AFF3: variants seen among roughly 807,000 people sequenced by gnomAD.
AFF3 encodes ALF transcription elongation factor 3, also known as AF4/FMR2 family member 3.
Under a neutral mutation model 129.7 loss-of-function variants are expected in AFF3, and 32 were observed. The observed-to-expected ratio is 0.25, with a 90% CI of 0.19 to 0.33. AFF3 has a LOEUF of 0.33. Among genes scored for constraint, AFF3 ranks in the 10% least tolerant of loss-of-function variants. The pLI, the probability that AFF3 is intolerant of heterozygous loss-of-function variation, is 1.00. For missense variants in AFF3, 1,373 were observed against 1,592.0 expected, an observed-to-expected ratio of 0.86 and a Z score of 2.34; for synonymous variants, 644 against 635.4, an observed-to-expected ratio of 1.01 and a Z score of -0.20.
At chr2:100,129,382 CTG>C (rs10585567) in intron 1 of AFF3, 76 bp from the exon 2 acceptor site, 53,153 of 145,180 alleles carry the variant, frequency 0.37, 9,522 homozygotes, top group Admixed American at 0.41. Flanking sequence ...TCCTATAACT[CTG>C]TGTGTGTGTG....
At chr2:100,053,243 G>C (rs1422827513) in intron 4 of AFF3, among the ~76,000 whole-genome samples, 1 of 152,248 alleles carries the variant, frequency 6.6e-6, no homozygotes, top group African/African-American at 2.4e-5. Context: ...TTGGGTGTCA[G>C]CGTGTTAGCC....
intron 1 of AFF3, among the ~76,000 whole-genome samples, chr2:100,136,344 G>T (rs906181480): frequency 6.6e-6 from 1 of 152,148 alleles, no homozygotes. Flanking sequence ...GCACCCAAAA[G>T]GGAGGCCGAG....
intron 4 of AFF3, among the ~76,000 whole-genome samples, chr2:100,071,896 A>G (rs896766056): frequency 1.1e-4 from 16 of 152,228 alleles, no homozygotes; most frequent in Non-Finnish European, 1.6e-4. Flanking sequence ...GGTTATCTAC[A>G]GGTAGTACAG....
intron 8 of AFF3, among the ~76,000 whole-genome samples, chr2:99,801,758 C>T (rs1211694195): frequency 6.6e-6 from 1 of 152,140 alleles, no homozygotes; most frequent in Non-Finnish European, 1.5e-5. Context: ...TATCTTTGTC[C>T]AGAAAAGCGG....
intron 11 of AFF3, among the ~76,000 whole-genome samples, 199 bp downstream of exon 11, chr2:99,726,878 T>A (rs1679403950): frequency 6.6e-6 from 1 of 152,228 alleles, no homozygotes; most frequent in Non-Finnish European, 1.5e-5. Context: ...CATTTGCATT[T>A]TTCAAGATTC....
chr2:99,741,361 T>C (rs1680704948), intron 10 of AFF3, among the ~76,000 whole-genome samples: 1 of 152,170 alleles, frequency 6.6e-6, no homozygotes, highest in African/African-American at 2.4e-5. Flanking sequence ...GAGAGGCAAC[T>C]TCAGCAAAGT....
chr2:99,909,695 C>T (rs1694985042), intron 7 of AFF3, among the ~76,000 whole-genome samples: 1 of 151,938 alleles, frequency 6.6e-6, no homozygotes. Flanking sequence ...GCCATGTCAG[C>T]TGCACAGTGA....
At chr2:99,902,499 G>A (rs1694419930) in intron 7 of AFF3, among the ~76,000 whole-genome samples, 1 of 152,096 alleles carries the variant, frequency 6.6e-6, no homozygotes, top group Admixed American at 6.5e-5. Flanking sequence ...CGTCAAGGCA[G>A]GTGTACCTCA....
intron 10 of AFF3, among the ~76,000 whole-genome samples, chr2:99,730,939 T>G (rs1679774880): frequency 6.6e-6 from 1 of 152,120 alleles, no homozygotes; most frequent in Admixed American, 6.5e-5. Context: ...AGCCCTTCAA[T>G]GATTAGTCTA....
chr2:99,844,350 T>C (rs577207359), intron 7 of AFF3, among the ~76,000 whole-genome samples: 19 of 152,230 alleles, frequency 1.2e-4, no homozygotes, highest in African/African-American at 4.1e-4. Flanking sequence ...CTCTGTAATA[T>C]TTCCACTGTT....
chr2:99,900,472 C>T (rs1256954770), intron 7 of AFF3, among the ~76,000 whole-genome samples: 1 of 152,130 alleles, frequency 6.6e-6, no homozygotes, highest in Non-Finnish European at 1.5e-5. Context: ...TTCAGAAGCT[C>T]CTTATTTTAA....
At chr2:99,724,116 G>C (rs1679144912) in intron 11 of AFF3, among the ~76,000 whole-genome samples, 1 of 151,944 alleles carries the variant, frequency 6.6e-6, no homozygotes, top group Non-Finnish European at 1.5e-5. Context: ...CAGTATGCTT[G>C]CCACTTAACA....
intron 2 of AFF3, among the ~76,000 whole-genome samples, chr2:100,119,354 T>C (rs1691860882): frequency 6.6e-6 from 1 of 152,208 alleles, no homozygotes; most frequent in African/African-American, 2.4e-5. Context: ...TTATCCACTC[T>C]TCAGGAGACC....
intron 7 of AFF3, among the ~76,000 whole-genome samples, chr2:99,856,155 C>T (rs530349351): frequency 1.1e-4 from 17 of 152,218 alleles, no homozygotes; most frequent in African/African-American, 2.6e-4. Context: ...GTAAGAAAGA[C>T]ATTAAGTAAA....
Position 100,003,619 on chromosome 2 carries a change from A to G in AFF3, c.873+3013T>C, listed in dbSNP as rs568859206. Among the ~76,000 whole-genome samples, 11 of 152,358 alleles carry G rather than the reference A, an allele frequency of 7.2e-5. No individual in the cohort carries two copies. In the East Asian group the frequency reaches 2.1e-3, roughly 29 times the overall value. ...AATTCTCTTGAGGTCTTTAACTTCT[A>G]CATCAAATTGCACTGGATTTTTCTG... On this transcript the variant is annotated intron_variant, in intron 7 of 24. Transcript: ENST00000672756.
intron 7 of AFF3, among the ~76,000 whole-genome samples, chr2:99,945,470 G>A (rs752173778): frequency 6.6e-5 from 10 of 152,134 alleles, no homozygotes; most frequent in African/African-American, 2.2e-4. Flanking sequence ...AGGCATCCCA[G>A]GGGCTCCCAC....
At chr2:100,102,832 A>AC (rs1690843558) in intron 4 of AFF3, among the ~76,000 whole-genome samples, 1 of 123,056 alleles carries the variant, frequency 8.1e-6, no homozygotes, top group Non-Finnish European at 1.7e-5. Flanking sequence ...TGCGCCAGAA[A>AC]CCAACATTTC....
intron 22 of AFF3, among the ~76,000 whole-genome samples, chr2:99,555,217 T>C (rs1430358947): frequency 6.6e-6 from 1 of 152,140 alleles, no homozygotes; most frequent in Non-Finnish European, 1.5e-5. Flanking sequence ...AGCCTTACTT[T>C]TTCATTGTAA....
At chr2:99,782,119 A>G (rs1483934436) in intron 8 of AFF3, among the ~76,000 whole-genome samples, 1 of 152,174 alleles carries the variant, frequency 6.6e-6, no homozygotes, top group Non-Finnish European at 1.5e-5. Context: ...TCTTCTTTAC[A>G]TTCAGGCCAA....
Sources: gnomAD v4.1 joint callset for allele counts (sites outside exome capture counted in the v4.1 genomes callset) on GRCh38, gnomAD v4.1.1 for gene constraint, MANE v1.5 for transcripts, NCBI Gene and HGNC (gene_info 2026-07-23, HGNC 2026-07-21) for gene names.